The following SLC27A5 variants were observed in gnomAD, a reference collection of about 807,000 sequenced individuals.
SLC27A5 encodes the protein solute carrier family 27 member 5, also known as long-chain fatty acid transport protein 5.
Under a neutral mutation model 63.1 loss-of-function variants are expected in SLC27A5, and 47 were observed. The ratio of observed to expected loss-of-function variants is 0.74; its 90% CI spans 0.59 to 0.95. The LOEUF is 0.95. SLC27A5 is among the 40% of genes least tolerant of loss of function. The pLI is 0.00. For missense variants in SLC27A5, 940 were observed against 921.0 expected (o/e 1.02, Z -0.27); for synonymous variants, 391 against 403.8 (o/e 0.97, Z 0.38).
chr19:58,509,801 C>A (rs1167493598), intron 3 of SLC27A5, 46 bp downstream of exon 3: 3 of 1,550,722 alleles, frequency 1.9e-6, no homozygotes, highest in South Asian at 2.4e-5. Context: ...CCGACACTTA[C>A]TCCCGTGGTC....
At chr19:58,499,451 G>T in intron 7 of SLC27A5, 41 bp downstream of exon 7, 1 of 1,600,964 alleles carries the variant, frequency 6.2e-7, no homozygotes, top group South Asian at 1.1e-5. Flanking sequence ...AAGCGTCCGT[G>T]GCCCCGCGCC....
intron 2 of SLC27A5, 108 bp downstream of exon 2, chr19:58,510,613 C>T: frequency 1.1e-6 from 1 of 945,914 alleles, no homozygotes; most frequent in Non-Finnish European, 1.5e-6. Context: ...ATGTCAAAAT[C>T]AGAGGGTAAA....
chr19:58,505,690 A>C (rs1224901117), intron 3 of SLC27A5, among the ~76,000 whole-genome samples: 1 of 150,432 alleles, frequency 6.6e-6, no homozygotes, highest in African/African-American at 2.4e-5. Flanking sequence ...CTAAAAACAT[A>C]AAAAAAAATT....
intron 3 of SLC27A5, among the ~76,000 whole-genome samples, chr19:58,506,301 G>A (rs1048776033): frequency 2.6e-5 from 4 of 152,082 alleles, no homozygotes; most frequent in South Asian, 2.1e-4. Context: ...TTGGGAGGCC[G>A]AGGTAGGTGG....
intron 3 of SLC27A5, among the ~76,000 whole-genome samples, chr19:58,503,489 C>G (rs1600034273): frequency 6.6e-6 from 1 of 151,696 alleles, no homozygotes; most frequent in Non-Finnish European, 1.5e-5. Flanking sequence ...TGGTGAAACC[C>G]TATCTCTACC....
chr19:58,500,832 T>A (rs1286353136), intron 4 of SLC27A5, 126 bp from the exon 5 acceptor site: 1 of 1,472,054 alleles, frequency 6.8e-7, no homozygotes, highest in African/African-American at 1.4e-5. Context: ...ATGGGGGACC[T>A]CTACCTAAGG....
At chr19:58,501,171 C>T in intron 4 of SLC27A5, 115 bp downstream of exon 4, 1 of 1,376,330 alleles carries the variant, frequency 7.3e-7, no homozygotes, top group Non-Finnish European at 9.8e-7. Flanking sequence ...GGGGTTCTTG[C>T]ATGAGGTGTA....
At chr19:58,500,239 T>A (rs887426201) in intron 6 of SLC27A5, 100 bp downstream of exon 6, 2 of 991,406 alleles carry the variant, frequency 2.0e-6, no homozygotes, top group Non-Finnish European at 3.1e-6. Context: ...ACCCCTCTAG[T>A]GAGCACCAAC....
intron 3 of SLC27A5, among the ~76,000 whole-genome samples, chr19:58,505,967 A>G (rs565212912): frequency 1.3e-5 from 2 of 151,552 alleles, no homozygotes; most frequent in Admixed American, 6.6e-5. Flanking sequence ...CCTGGCCAAC[A>G]TGGTTAAACC....
At chr19:58,505,996 CAA>C (rs2053342209) in intron 3 of SLC27A5, among the ~76,000 whole-genome samples, 1 of 150,508 alleles carries the variant, frequency 6.6e-6, no homozygotes, top group Non-Finnish European at 1.5e-5. Flanking sequence ...ACTAAAAATA[CAA>C]AAGTTAGCCA....
At chr19:58,502,940 G>GGC (rs201350843) in intron 3 of SLC27A5, among the ~76,000 whole-genome samples, 11 of 151,738 alleles carry the variant, frequency 7.2e-5, no homozygotes, top group Admixed American at 3.3e-4. Flanking sequence ...GGTGAGGATC[G>GGC]TCACGCCTGT....
chr19:58,506,339 A>C (rs956706604), intron 3 of SLC27A5, among the ~76,000 whole-genome samples: 1 of 152,182 alleles, frequency 6.6e-6, no homozygotes, highest in African/African-American at 2.4e-5. Context: ...GTTCGAGACC[A>C]GCCTGGCCAA....
chr19:58,511,288 C>A lies in SLC27A5; in HGVS notation c.668G>T (p.Arg223Leu). ...CTCACCTGGGTCCACCACCAGCACC[C>A]GGGCCCCAGAGCTCAGCACAGAGTG... ...LAHSVLSSGA[R>L]VLVVDPDLRE... Residue 223 changes from arginine (R) to leucine (L), a missense_variant, in exon 1 of 10, where the codon CGG becomes CTG. By Grantham distance (102) the Arg-to-Leu change is moderately radical. Coordinates refer to ENST00000263093, the MANE Select transcript of SLC27A5 (RefSeq NM_012254.3). 6.4e-7 allele frequency: 1 copy of A among 1,553,004 alleles called. No homozygotes were observed.
At chr19:58,500,881 G>T in intron 4 of SLC27A5, 175 bp from the exon 5 acceptor site, 1 of 1,424,338 alleles carries the variant, frequency 7.0e-7, no homozygotes, top group Non-Finnish European at 9.2e-7. Context: ...AGTTACTGGA[G>T]TCTTAAATAG....
At chr19:58,506,418 C>G (rs980858022) in intron 3 of SLC27A5, among the ~76,000 whole-genome samples, 2 of 152,098 alleles carry the variant, frequency 1.3e-5, no homozygotes, top group African/African-American at 4.8e-5. Context: ...GCCTGTAATC[C>G]CAGCTACTCA....
chr19:58,506,631 G>A (rs185961341), intron 3 of SLC27A5, among the ~76,000 whole-genome samples: 12 of 150,660 alleles, frequency 8.0e-5, no homozygotes, highest in African/African-American at 2.9e-4. Context: ...TACATGAGAT[G>A]TCATCAAACT....
Position 58,500,870 on chromosome 19 carries a change from T to G in SLC27A5, c.1183-164A>C, listed in dbSNP as rs1421343861. ...TCTACCTGGGTTACTTACATGAGAG[T>G]AGTTACTGGAGTCTTAAATAGAGGG... On this transcript the variant is annotated intron_variant, in intron 4 of 9. Coordinates refer to ENST00000263093, the MANE Select transcript of SLC27A5 (RefSeq NM_012254.3). 3 of 1,430,428 alleles carry G rather than the reference T, an allele frequency of 2.1e-6. No homozygotes were observed. The African/African-American group carries it at 4.3e-5, about 21-fold the overall frequency. 88.6% of individuals were successfully genotyped at this position (1,430,428 alleles called of 1,614,324 possible). A position where few individuals can be genotyped will look rare whatever the true frequency, so the allele number is the denominator to read the frequency against.
At chr19:58,499,770 C>T in intron 6 of SLC27A5, 80 bp from the exon 7 acceptor site, 1 of 1,359,512 alleles carries the variant, frequency 7.4e-7, no homozygotes, top group Non-Finnish European at 1.0e-6. Flanking sequence ...ACGGTGGACT[C>T]TTCATCACCC....
intron 7 of SLC27A5, 131 bp from the exon 8 acceptor site, chr19:58,499,351 C>T: frequency 7.5e-7 from 1 of 1,332,726 alleles, no homozygotes; most frequent in Non-Finnish European, 1.0e-6. Flanking sequence ...CGAGAAGCCC[C>T]GCCTTCGCGT....
Sources: gnomAD v4.1 joint callset for allele counts (sites outside exome capture counted in the v4.1 genomes callset) on GRCh38, gnomAD v4.1.1 for gene constraint, MANE v1.5 for transcripts, NCBI Gene and HGNC (gene_info 2026-07-23, HGNC 2026-07-21) for gene names.